The following CNTNAP2 variants were observed in gnomAD, a reference collection of about 807,000 sequenced individuals.
CNTNAP2 encodes the protein contactin associated protein 2.
Under a neutral mutation model 155.2 loss-of-function variants are expected in CNTNAP2, and 98 were observed. The ratio of observed to expected loss-of-function variants is 0.63; its 90% confidence interval spans 0.54 to 0.75. The LOEUF (loss-of-function observed/expected upper bound fraction) is 0.75, where lower values mean the gene tolerates loss of function less well. Ranked by LOEUF, CNTNAP2 falls within the 30% of genes least tolerant of loss-of-function variation. The pLI, the probability that CNTNAP2 is intolerant of heterozygous loss-of-function variation, is 0.00. For missense variants in CNTNAP2, 1,727 were observed against 1,688.1 expected (o/e 1.02, Z -0.40); for synonymous variants, 651 against 631.2 (o/e 1.03, Z -0.47).
At chr7:146,283,730 C>G (rs1800285972) in intron 1 of CNTNAP2, among the ~76,000 whole-genome samples, 1 of 152,050 alleles carries the variant, frequency 6.6e-6, no homozygotes, top group Non-Finnish European at 1.5e-5. Context: ...CGGCTTTGTT[C>G]ATATTTAATA....
intron 20 of CNTNAP2, among the ~76,000 whole-genome samples, chr7:148,233,294 C>A (rs1430809827): frequency 6.6e-6 from 1 of 152,082 alleles, no homozygotes; most frequent in Admixed American, 6.5e-5. Flanking sequence ...TTTTTCCTTT[C>A]TCTCTTCCCA....
chr7:147,010,007 C>CTTT (rs67223892), intron 3 of CNTNAP2, among the ~76,000 whole-genome samples: 12 of 123,710 alleles, frequency 9.7e-5, no homozygotes, highest in African/African-American at 9.0e-5. Context: ...TATCTTGGTT[C>CTTT]TTTTTTTTTT....
chr7:147,721,802 A>T (rs1049050948), intron 13 of CNTNAP2, among the ~76,000 whole-genome samples: 2 of 152,128 alleles, frequency 1.3e-5, no homozygotes, highest in Non-Finnish European at 2.9e-5. Context: ...TTTGACAGGA[A>T]CACTGGTTCA....
chr7:146,947,433 T>TAC (rs879492271), intron 3 of CNTNAP2, among the ~76,000 whole-genome samples: 194 of 137,600 alleles, frequency 1.4e-3, no homozygotes, highest in South Asian at 2.5e-3. Flanking sequence ...TATATATACA[T>TAC]ACACACACAC....
At chr7:146,262,815 T>C (rs1799939709) in intron 1 of CNTNAP2, among the ~76,000 whole-genome samples, 1 of 152,200 alleles carries the variant, frequency 6.6e-6, no homozygotes, top group Non-Finnish European at 1.5e-5. Flanking sequence ...CATTTAGAAA[T>C]ACTTAGTTTT....
At chr7:146,412,659 A>T (rs1263458561) in intron 1 of CNTNAP2, among the ~76,000 whole-genome samples, 1 of 152,192 alleles carries the variant, frequency 6.6e-6, no homozygotes, top group Non-Finnish European at 1.5e-5. Context: ...TTCGGTGCAT[A>T]TTAAAGTTGT....
chr7:148,247,614 T>TCTCC, intron 20 of CNTNAP2, among the ~76,000 whole-genome samples: 1 of 147,004 alleles, frequency 6.8e-6, no homozygotes, highest in African/African-American at 2.6e-5. Context: ...TCTCTCTCTC[T>TCTCC]CTCTCTCTCT....
intron 12 of CNTNAP2, among the ~76,000 whole-genome samples, chr7:147,615,335 G>A (rs925979004): frequency 7.1e-5 from 10 of 141,008 alleles, no homozygotes; most frequent in African/African-American, 2.1e-4. Context: ...CAAAAAATTG[G>A]CCAGGCATTG....
At chr7:146,218,525 AC>A (rs1331797826) in intron 1 of CNTNAP2, among the ~76,000 whole-genome samples, 1 of 82,262 alleles carries the variant, frequency 1.2e-5, no homozygotes, top group Non-Finnish European at 2.8e-5. Flanking sequence ...AAAAACAAAA[AC>A]AAAAACAAAC....
chr7:146,262,996 G>T (rs961175775), intron 1 of CNTNAP2, among the ~76,000 whole-genome samples: 4 of 152,128 alleles, frequency 2.6e-5, no homozygotes, highest in African/African-American at 7.2e-5. Flanking sequence ...GTAGTAAGAA[G>T]AACTTACCAA....
At chr7:146,594,844 G>T (rs1798835493) in intron 1 of CNTNAP2, among the ~76,000 whole-genome samples, 1 of 152,010 alleles carries the variant, frequency 6.6e-6, no homozygotes, top group African/African-American at 2.4e-5. Context: ...ATACCAATTT[G>T]TAGTGTTTGC....
At chr7:146,636,346 CATTAT>C (rs770324937) in intron 1 of CNTNAP2, among the ~76,000 whole-genome samples, 17 of 151,860 alleles carry the variant, frequency 1.1e-4, no homozygotes, top group Non-Finnish European at 2.5e-4. Context: ...TTTTAAAAGG[CATTAT>C]ATTATTACTC....
chr7:147,721,248 A>G (rs564465215), intron 13 of CNTNAP2, among the ~76,000 whole-genome samples: 59 of 152,020 alleles, frequency 3.9e-4, no homozygotes, highest in African/African-American at 1.4e-3. Context: ...GTTTTCCTGT[A>G]TATTTCCACT....
At chr7:147,297,164 A>G (rs1277637455) in intron 8 of CNTNAP2, among the ~76,000 whole-genome samples, 1 of 151,388 alleles carries the variant, frequency 6.6e-6, no homozygotes, top group African/African-American at 2.4e-5. Flanking sequence ...AGCCATAGTC[A>G]GCAACTCCAA....
chr7:146,746,788 T>C (rs1451539207), intron 1 of CNTNAP2, among the ~76,000 whole-genome samples: 1 of 152,196 alleles, frequency 6.6e-6, no homozygotes, highest in Non-Finnish European at 1.5e-5. Context: ...TTTTAAATAA[T>C]CATTTGAATG....
At chr7:146,362,815 G>C in intron 1 of CNTNAP2, among the ~76,000 whole-genome samples, 1 of 131,410 alleles carries the variant, frequency 7.6e-6, no homozygotes, top group East Asian at 2.2e-4. Context: ...TCTGTTGCCA[G>C]ACTGGAGTGC....
chr7:146,695,010 A>T (rs77685107), intron 1 of CNTNAP2, among the ~76,000 whole-genome samples: 9 of 152,298 alleles, frequency 5.9e-5, no homozygotes, highest in East Asian at 1.9e-4. Flanking sequence ...AATTTTCTAC[A>T]TAGGTAATCA....
chr7:147,884,661 G>C (rs1324492002), intron 13 of CNTNAP2, among the ~76,000 whole-genome samples: 1 of 152,076 alleles, frequency 6.6e-6, no homozygotes, highest in Non-Finnish European at 1.5e-5. Flanking sequence ...AAGAATAAGG[G>C]CAAATTTTAG....
chr7:146,327,081 A>C (rs1366907789), intron 1 of CNTNAP2, among the ~76,000 whole-genome samples: 1 of 152,196 alleles, frequency 6.6e-6, no homozygotes, highest in Non-Finnish European at 1.5e-5. Context: ...TAATATAGAT[A>C]GTAAAATCTC....
Sources: allele counts gnomAD v4.1 joint callset (sites outside exome capture counted in the v4.1 genomes callset), GRCh38; gene constraint gnomAD v4.1.1; transcripts MANE v1.5; gene names NCBI Gene and HGNC (gene_info 2026-07-23, HGNC 2026-07-21).